The following MYH10 variants were observed in gnomAD, a reference collection of about 807,000 sequenced individuals.
MYH10 encodes the protein myosin heavy chain 10.
In MYH10, 55 loss-of-function variants were observed where a neutral mutation model predicts 257.8. That is an observed-to-expected ratio of 0.21 (90% CI 0.17 to 0.27). The LOEUF (loss-of-function observed/expected upper bound fraction) is 0.27. MYH10 is among the 10% of genes least tolerant of loss of function. The probability of loss-of-function intolerance (pLI) is 1.00; values close to 1 mark genes in which losing one functional copy is unlikely to be tolerated. For missense variants in MYH10, 1,631 were observed against 2,500.6 expected (o/e 0.65, Z 7.42); for synonymous variants, 854 against 921.7 (o/e 0.93, Z 1.33).
chr17:8,576,992 A>G (rs2083522879), intron 5 of MYH10, among the ~76,000 whole-genome samples: 1 of 152,188 alleles, frequency 6.6e-6, no homozygotes, highest in Non-Finnish European at 1.5e-5. Context: ...CTTTGCAAGA[A>G]ATTAGGCATC....
chr17:8,529,491 C>T lies in MYH10; in HGVS notation c.1957+1132G>A, dbSNP rs144522467. On this transcript the variant is annotated intron_variant, in intron 17 of 42. Coordinates refer to ENST00000360416, the MANE Select transcript of MYH10 (RefSeq NM_001256012.3). ...ATAGCTGAAAACTACCTCCAAGCTT[C>T]CCCCGTCCATTTCAACACTGTCAGC... is the stretch of plus-strand genomic sequence containing the variant. 2.7e-4 allele frequency among the ~76,000 whole-genome samples: 41 copies of T among 152,314 alleles called. No homozygotes were observed. The East Asian group carries it at 7.3e-3, about 27-fold the overall frequency.
rs751702534 is a variant in MYH10, at chr17:8,487,523, C to A, written c.4956G>T (p.Lys1652Asn). 5.3e-5 allele frequency: 85 copies of A among 1,614,100 alleles called. No individual in the cohort carries two copies. Among genetic ancestry groups the A allele is most frequent in the Non-Finnish European group, 7.1e-5 (84 of 1,180,054 alleles). The change falls in exon 36 of 43, where the codon AAG (lysine) becomes AAT (asparagine). Residue 1652 changes from lysine (K) to asparagine (N), a missense_variant. Lys to Asn is a moderately conservative substitution (Grantham distance 94). Transcript: ENST00000360416. ...CGAGGTCCTTCAGGTCTATCTCCAT[C>A]TTTTTCTTTGAAGCTACAGCAAGCG... is the stretch of plus-strand genomic sequence containing the variant. ...QRALAVASKKKMEIDLKDLEA... is the reference protein window; with the variant it reads ...QRALAVASKKNMEIDLKDLEA...
intron 7 of MYH10, among the ~76,000 whole-genome samples, chr17:8,556,210 TTC>T (rs1308753021): frequency 7.9e-5 from 12 of 152,334 alleles, no homozygotes; most frequent in African/African-American, 2.4e-4. Flanking sequence ...GTTTGCCAGT[TTC>T]TCACGGCGTC....
intron 34 of MYH10, among the ~76,000 whole-genome samples, chr17:8,491,030 C>T (rs573081363): frequency 1.3e-5 from 2 of 152,222 alleles, no homozygotes; most frequent in Admixed American, 1.3e-4. Flanking sequence ...AGTACACAGG[C>T]CTTGATCTTT....
At chr17:8,524,325 C>T (rs889797487) in intron 17 of MYH10, among the ~76,000 whole-genome samples, 1 of 151,950 alleles carries the variant, frequency 6.6e-6, no homozygotes, top group Non-Finnish European at 1.5e-5. Flanking sequence ...TGGTGCACAC[C>T]TGTAGTTCCA....
intron 21 of MYH10, among the ~76,000 whole-genome samples, chr17:8,515,015 C>T (rs551043944): frequency 1.9e-4 from 29 of 152,292 alleles, no homozygotes; most frequent in African/African-American, 6.5e-4. Context: ...TCCACTCACA[C>T]GGCTGCGCTC....
chr17:8,513,534 A>C lies in MYH10; in HGVS notation c.2745+4T>G. The C allele has an allele frequency of 6.2e-7, 1 of 1,613,924 alleles. No homozygotes were observed. Among genetic ancestry groups the C allele is most frequent in the East Asian group, 2.2e-5 (1 of 44,888 alleles). ...AGTGTGAGTTACAAGGTCACTGCAC[A>C]CACCTGCTGGTGCTTCCGCTCCATC... On this transcript the variant is annotated splice_donor_region_variant and intron_variant, in intron 23 of 42. Transcript: ENST00000360416.
rs773208362 is a variant in MYH10 at position 8,508,666 on chromosome 17, G to C, written c.3102C>G (p.Leu1034=). 6.2e-7 allele frequency: 1 copy of C among 1,613,916 alleles called. No homozygotes were observed. The highest frequency in any genetic ancestry group is 2.2e-5 in the East Asian group (1 of 44,864). ...QNSKFIKEKK[L]MEDRIAECSS... ...AACACTCAGCAATGCGATCTTCCAT[G>C]AGTTTCTTTTCCTGGACAGGAAAAA... The change falls in exon 26 of 43, where the codon CTC becomes CTG. Residue 1034 remains leucine (L), a synonymous_variant. Coordinates refer to ENST00000360416, the MANE Select transcript of MYH10 (RefSeq NM_001256012.3).
At position 8,523,670 on chromosome 17, in the gene MYH10, G is replaced by T. The variant is rs145986477; in HGVS notation, c.1958-2385C>A. ...GAAGGGGGAGGGAGAAGTGGAAGTG[G>T]GGAGGCCAGACAGGTGACCCTTCCA... On this transcript the variant is annotated intron_variant, in intron 17 of 42. Transcript: ENST00000360416. Among the ~76,000 whole-genome samples the T allele has an allele frequency of 2.1e-3, 324 of 152,318 alleles. 2 individuals are homozygous for T. The highest frequency in any genetic ancestry group is 0.01 in the Middle Eastern group (3 of 294).
chr17:8,494,834 T>C (rs1916333146), intron 31 of MYH10, among the ~76,000 whole-genome samples: 1 of 152,192 alleles, frequency 6.6e-6, no homozygotes, highest in Admixed American at 6.5e-5. Context: ...CAGCAAGACA[T>C]TGTGTGCAGC....
In MYH10 at chr17:8,609,441, C is replaced by A. The variant is rs1438297029; in HGVS notation, c.346-4459G>T. 3.3e-5 allele frequency among the ~76,000 whole-genome samples: 5 copies of A among 151,078 alleles called. No homozygotes were observed. The East Asian group carries it at 9.7e-4, about 29-fold the overall frequency. The stretch of plus-strand genomic sequence containing the variant: ...TTCACATGCAAATTTTGAAAAAAAA[C>A]CTAAATAATAAGATCATCATTCAGA... On this transcript the variant is annotated intron_variant, in intron 2 of 42. Transcript: ENST00000360416.
At chr17:8,543,260 T>C (rs2151946811) in intron 13 of MYH10, among the ~76,000 whole-genome samples, 1 of 152,276 alleles carries the variant, frequency 6.6e-6, no homozygotes, top group South Asian at 2.1e-4. Flanking sequence ...TCTTTTCCAT[T>C]CTCCAGAAGC....
intron 2 of MYH10, among the ~76,000 whole-genome samples, chr17:8,611,183 T>C (rs549638387): frequency 6.6e-6 from 1 of 152,294 alleles, no homozygotes; most frequent in South Asian, 2.1e-4. Flanking sequence ...GGCTACACCC[T>C]AAGAGTTAAG....
At chr17:8,497,780 C>T (rs185199925) in intron 30 of MYH10, among the ~76,000 whole-genome samples, 7 of 150,150 alleles carry the variant, frequency 4.7e-5, no homozygotes, top group Admixed American at 4.0e-4. Flanking sequence ...AGAAAAAAAC[C>T]CCTGCATGTG....
intron 3 of MYH10, among the ~76,000 whole-genome samples, chr17:8,599,185 T>G (rs145642804): frequency 1.3e-5 from 2 of 152,362 alleles, no homozygotes; most frequent in East Asian, 3.9e-4. Context: ...GGTCAGAGAA[T>G]GTAGCCTGTG....
rs908061379 is a variant in MYH10, at chr17:8,480,318, C to T, written c.5389G>A (p.Val1797Met). Reference sequence around the variant, plus strand: ...GCTAGCTCGGCGTTCAGTGTGTCCACCTAGAGAGGAGAGAGGAGTTTAGTC... The same window carrying T: ...GCTAGCTCGGCGTTCAGTGTGTCCATCTAGAGAGGAGAGAGGAGTTTAGTC... ...NDRFRKTTLQ[V>M]DTLNAELAAE... Residue 1797 changes from valine to methionine, a missense_variant and splice_region_variant, in exon 40 of 43, where the codon GTG (valine) becomes ATG (methionine). Transcript: ENST00000360416. 12 of 1,613,994 alleles carry T rather than the reference C, an allele frequency of 7.4e-6. No individual in the cohort carries two copies. Among genetic ancestry groups the T allele is most frequent in the Non-Finnish European group, 7.6e-6 (9 of 1,179,964 alleles).
chr17:8,488,614 AGAG>A (rs959148282), intron 35 of MYH10, among the ~76,000 whole-genome samples: 39 of 152,232 alleles, frequency 2.6e-4, no homozygotes, highest in African/African-American at 8.4e-4. Context: ...CTTCCTGCAA[AGAG>A]GATGATGGCT....
At chr17:8,542,347 T>C (rs1478879345) in intron 13 of MYH10, 67 bp from the exon 14 acceptor site, 177 of 1,443,066 alleles carry the variant, frequency 1.2e-4, no homozygotes, top group South Asian at 4.6e-4. Context: ...TAATTAGTTA[T>C]GTAGTTATAA....
chr17:8,564,306 A>G (rs1369004576), intron 7 of MYH10, among the ~76,000 whole-genome samples: 1 of 152,236 alleles, frequency 6.6e-6, no homozygotes, highest in Admixed American at 6.5e-5. Flanking sequence ...TATAGCCTCA[A>G]ATATTTTCAC....
Sources: gnomAD v4.1 joint callset for allele counts (sites outside exome capture counted in the v4.1 genomes callset) on GRCh38, gnomAD v4.1.1 for gene constraint, MANE v1.5 for transcripts, NCBI Gene and HGNC (gene_info 2026-07-23, HGNC 2026-07-21) for gene names.